The following ATP6V0D1 variants were observed in gnomAD, a reference collection of about 807,000 sequenced individuals.
The protein encoded by ATP6V0D1 is ATPase H+ transporting V0 subunit d1.
A neutral mutation model predicts 39.0 loss-of-function variants in ATP6V0D1; 13 were observed. The observed-to-expected ratio is 0.33, with a 90% CI of 0.22 to 0.53. The LOEUF (loss-of-function observed/expected upper bound fraction) is 0.53. ATP6V0D1 is among the 20% of genes least tolerant of loss of function. ATP6V0D1 has a pLI of 0.94. For synonymous variants in ATP6V0D1, 191 were observed against 191.2 expected (o/e 1.00, Z 0.01); for missense variants, 272 against 470.9 (o/e 0.58, Z 3.91).
chr16:67,479,212 G>C, intron 1 of ATP6V0D1, among the ~76,000 whole-genome samples: 1 of 137,344 alleles, frequency 7.3e-6, no homozygotes, highest in African/African-American at 3.4e-5. Context: ...TTGTACTGCC[G>C]ATTTTTTTTT....
At chr16:67,473,047 C>T (rs148088293) in intron 1 of ATP6V0D1, among the ~76,000 whole-genome samples, 2 of 152,290 alleles carry the variant, frequency 1.3e-5, no homozygotes, top group African/African-American at 2.4e-5. Flanking sequence ...CAGGAACCAG[C>T]CCAATGCATC....
chr16:67,464,584 A>G (rs2041314672), intron 1 of ATP6V0D1, among the ~76,000 whole-genome samples: 1 of 152,230 alleles, frequency 6.6e-6, no homozygotes, highest in Non-Finnish European at 1.5e-5. Context: ...TACCCATGGA[A>G]CAGCCTCAGA....
chr16:67,439,166 G>A lies in ATP6V0D1; in HGVS notation c.640-19C>T, dbSNP rs1427484914. On this transcript the variant is annotated intron_variant, in intron 5 of 7. Transcript: ENST00000290949. Reference sequence around the variant, plus strand: ...CTTCAAACTGTGGAGCCAGTGCACAGGTAAGAAGAGAGGGAGGAAGAAGGA... The same window carrying A: ...CTTCAAACTGTGGAGCCAGTGCACAAGTAAGAAGAGAGGGAGGAAGAAGGA... 6.2e-7 allele frequency: 1 copy of A among 1,613,628 alleles called. No homozygotes were observed. Among genetic ancestry groups the A allele is most frequent in the Non-Finnish European group, 8.5e-7 (1 of 1,179,678 alleles).
intron 1 of ATP6V0D1, among the ~76,000 whole-genome samples, chr16:67,470,273 C>A (rs185687341): frequency 1.3e-5 from 2 of 152,140 alleles, no homozygotes; most frequent in African/African-American, 4.8e-5. Flanking sequence ...ACAATGTATA[C>A]CCCTTGGAGA....
chr16:67,466,079 T>C (rs2041326696), intron 1 of ATP6V0D1, among the ~76,000 whole-genome samples: 1 of 151,942 alleles, frequency 6.6e-6, no homozygotes, highest in Admixed American at 6.6e-5. Context: ...AACACATCCC[T>C]CCAATTTAAT....
chr16:67,474,352 C>T (rs1366252138), intron 1 of ATP6V0D1, among the ~76,000 whole-genome samples: 3 of 152,232 alleles, frequency 2.0e-5, no homozygotes, highest in African/African-American at 7.2e-5. Flanking sequence ...AGTGGCTGCG[C>T]TGGGATCAGT....
chr16:67,449,781 T>C (rs1040668341), intron 2 of ATP6V0D1, among the ~76,000 whole-genome samples: 4 of 152,238 alleles, frequency 2.6e-5, no homozygotes, highest in Admixed American at 1.3e-4. Context: ...TCCCACTGCA[T>C]CCAGGCACCT....
At chr16:67,443,056 C>T (rs762710888) in intron 4 of ATP6V0D1, 43 bp downstream of exon 4, 1 of 1,602,992 alleles carries the variant, frequency 6.2e-7, no homozygotes, top group South Asian at 1.1e-5. Context: ...CACAGCCCCA[C>T]CCACCGACAG....
rs747560064 is a variant in ATP6V0D1, at chr16:67,444,685, G to A, written c.324C>T (p.Asn108=). The part of the protein sequence containing the change: ...DFITYSYMID[N]VILLITGTLH... The stretch of plus-strand genomic sequence containing the variant: ...GCGTGCCTGTGATGAGCAGGATCAC[G>A]TTGTCGATCATGTAACTGTAACTAC... The change falls in exon 3 of 8, where the codon AAC becomes AAT. Residue 108 remains asparagine, a synonymous_variant. Coordinates refer to ENST00000290949, the MANE Select transcript of ATP6V0D1 (RefSeq NM_004691.5). This position sits in a 1 kb window ranked among gnomAD's most constrained non-coding sequence, Gnocchi z 4.8. The A allele has an allele frequency of 1.8e-5, 29 of 1,601,948 alleles. 1 individual carries two copies. In the South Asian group the frequency reaches 2.3e-4, roughly 13 times the overall value.
At chr16:67,463,883 G>A (rs1567540557) in intron 1 of ATP6V0D1, among the ~76,000 whole-genome samples, 1 of 152,248 alleles carries the variant, frequency 6.6e-6, no homozygotes, top group Non-Finnish European at 1.5e-5. Flanking sequence ...GCCCCTGGGA[G>A]GGACGTGGTC....
rs745825736 is a variant in ATP6V0D1 at position 67,443,126 on chromosome 16, G to A, written c.534C>T (p.Ile178=). 6 of 1,613,864 alleles carry A rather than the reference G, an allele frequency of 3.7e-6. No individual in the cohort carries two copies. The highest frequency in any genetic ancestry group is 3.3e-5 in the Admixed American group (2 of 60,024). ...ISEQDLDEMN[I]EIIRNTLYKA... The stretch of plus-strand genomic sequence containing the variant: ...TGTAGAGGGTGTTGCGGATGATCTC[G>A]ATGTTCATCTCGTCAAGGTCCTGCT... The change falls in exon 4 of 8, where the codon ATC becomes ATT. Residue 178 remains isoleucine (I), a synonymous_variant. Coordinates refer to ENST00000290949, the MANE Select transcript of ATP6V0D1 (RefSeq NM_004691.5).
intron 1 of ATP6V0D1, among the ~76,000 whole-genome samples, chr16:67,464,388 T>C (rs1296898149): frequency 2.0e-5 from 3 of 152,158 alleles, no homozygotes; most frequent in Non-Finnish European, 4.4e-5. Context: ...CAGGAGACCA[T>C]AATTACGCCC....
intron 1 of ATP6V0D1, chr16:67,457,456 G>C (rs779567228): frequency 1.4e-6 from 1 of 697,984 alleles, no homozygotes; most frequent in Admixed American, 2.5e-5. Flanking sequence ...CAGCTGTCCA[G>C]ACAGATTTCA....
chr16:67,440,622 T>G (rs954135676), intron 4 of ATP6V0D1: 3 of 152,228 alleles, frequency 2.0e-5, no homozygotes, highest in African/African-American at 7.2e-5. Context: ...TGTGGAGACC[T>G]TTCCACCAAC....
intron 4 of ATP6V0D1, chr16:67,441,593 C>A (rs539105454): frequency 6.6e-6 from 1 of 152,360 alleles, no homozygotes; most frequent in African/African-American, 2.4e-5. Flanking sequence ...TATGCTCTCT[C>A]TCCTCTCAGC....
At chr16:67,459,449 C>T (rs2041271819) in intron 1 of ATP6V0D1, among the ~76,000 whole-genome samples, 1 of 152,348 alleles carries the variant, frequency 6.6e-6, no homozygotes, top group African/African-American at 2.4e-5. Flanking sequence ...CTGCCCCTCT[C>T]AGGGGTCGCC....
rs140092737 is a variant in ATP6V0D1 at position 67,446,903 on chromosome 16, A to G, written c.303-2197T>C. Among the ~76,000 whole-genome samples, 882 of 152,276 alleles carry G rather than the reference A, an allele frequency of 5.8e-3. 2 individuals carry two copies. The highest frequency in any genetic ancestry group is 0.025 in the South Asian group (121 of 4,826). ...ATTACCAGCCCCACTGTCAGAGCAGATAAGGCCCAGAGAGGGCCAGCACCA... is the reference window on the plus strand; with the variant it reads ...ATTACCAGCCCCACTGTCAGAGCAGGTAAGGCCCAGAGAGGGCCAGCACCA... On this transcript the variant is annotated intron_variant, in intron 2 of 7. Transcript: ENST00000290949.
At chr16:67,479,213 A>ATTTT (rs574026889) in intron 1 of ATP6V0D1, among the ~76,000 whole-genome samples, 76 of 142,402 alleles carry the variant, frequency 5.3e-4, no homozygotes, top group African/African-American at 1.6e-3. Context: ...TGTACTGCCG[A>ATTTT]TTTTTTTTTT....
In ATP6V0D1 at chr16:67,439,262, G is replaced by A. The variant is rs776024490; in HGVS notation, c.639+12C>T. On this transcript the variant is annotated intron_variant, in intron 5 of 7. Coordinates refer to ENST00000290949, the MANE Select transcript of ATP6V0D1 (RefSeq NM_004691.5). ...CGGGCACCAGCAGGCAGGAGGGCGG[G>A]CAGGCACTCACCTCCAGGATGGGGC... is the stretch of plus-strand genomic sequence containing the variant. 2.5e-6 allele frequency: 4 copies of A among 1,614,052 alleles called. No individual in the cohort carries two copies. The South Asian group carries it at 4.4e-5, about 18-fold the overall frequency.
Sources: gnomAD v4.1 joint callset for allele counts (sites outside exome capture counted in the v4.1 genomes callset) on GRCh38, gnomAD v4.1.1 for gene constraint, Gnocchi (gnomAD v3.1) non-coding constraint, MANE v1.5 for transcripts, NCBI Gene and HGNC (gene_info 2026-07-23, HGNC 2026-07-21) for gene names.